Variants in PXDN observed in about 807,000 individuals in gnomAD.
PXDN encodes the protein peroxidasin homolog.
PXDN carries 77 observed loss-of-function variants against 140.3 expected under a neutral mutation model. The ratio of observed to expected loss-of-function variants is 0.55; its 90% CI spans 0.46 to 0.66. The LOEUF is 0.66. Ranked by LOEUF, PXDN falls within the 30% of genes least tolerant of loss-of-function variation. The pLI, the probability that PXDN is intolerant of heterozygous loss-of-function variation, is 0.00. For synonymous variants in PXDN, 911 were observed against 857.4 expected (o/e 1.06, Z -1.09); for missense variants, 1,838 against 2,039.5 (o/e 0.90, Z 1.90).
chr2:1,674,321 T>C (rs1043873619), intron 8 of PXDN, among the ~76,000 whole-genome samples: 7 of 152,222 alleles, frequency 4.6e-5, no homozygotes, highest in Non-Finnish European at 1.0e-4. Flanking sequence ...GCGCTCCTCC[T>C]GCCTCGGGCT....
At chr2:1,719,202 C>T (rs1345566768) in intron 1 of PXDN, among the ~76,000 whole-genome samples, 1 of 152,190 alleles carries the variant, frequency 6.6e-6, no homozygotes, top group Non-Finnish European at 1.5e-5. Flanking sequence ...ACCTGCTCCC[C>T]GTGTGGGAAC....
At chr2:1,720,449 GAA>G (rs1427103131) in intron 1 of PXDN, among the ~76,000 whole-genome samples, 2 of 151,666 alleles carry the variant, frequency 1.3e-5, no homozygotes, top group East Asian at 4.0e-4. Flanking sequence ...TTGAAGGTGA[GAA>G]GAGAGGCAGA....
chr2:1,677,365 C>T (rs1321322675), intron 7 of PXDN, among the ~76,000 whole-genome samples: 4 of 152,194 alleles, frequency 2.6e-5, no homozygotes, highest in East Asian at 3.9e-4. Context: ...AACACCTGTG[C>T]GGAGTGGATA....
intron 1 of PXDN, among the ~76,000 whole-genome samples, chr2:1,734,496 C>A (rs1685386440): frequency 6.6e-6 from 1 of 152,156 alleles, no homozygotes; most frequent in Admixed American, 6.5e-5. Context: ...TCTATTGGCT[C>A]TTCCTTTCCC....
At chr2:1,711,175 TCC>T (rs1244098340) in intron 1 of PXDN, among the ~76,000 whole-genome samples, 5 of 65,230 alleles carry the variant, frequency 7.7e-5, no homozygotes, top group African/African-American at 2.6e-4. Flanking sequence ...GCACCCACTC[TCC>T]ACCAGCACCC....
intron 9 of PXDN, 90 bp from the exon 10 acceptor site, chr2:1,666,576 A>G: frequency 7.1e-7 from 1 of 1,413,376 alleles, no homozygotes; most frequent in East Asian, 2.4e-5. Flanking sequence ...TATTAATTCT[A>G]TTTACCACCG....
chr2:1,701,996 CT>C (rs2125457947), intron 1 of PXDN, among the ~76,000 whole-genome samples: 1 of 152,246 alleles, frequency 6.6e-6, no homozygotes, highest in Non-Finnish European at 1.5e-5. Flanking sequence ...GTAACTGCTG[CT>C]GTGTTTACAG....
intron 1 of PXDN, among the ~76,000 whole-genome samples, chr2:1,743,057 A>C (rs908151425): frequency 5.7e-4 from 87 of 152,386 alleles, no homozygotes; most frequent in African/African-American, 1.9e-3. Context: ...GGACTAAATT[A>C]GAGTCGGCGC....
At chr2:1,718,718 T>A (rs1405523167) in intron 1 of PXDN, among the ~76,000 whole-genome samples, 1 of 152,168 alleles carries the variant, frequency 6.6e-6, no homozygotes, top group Non-Finnish European at 1.5e-5. Flanking sequence ...GCGTGTGTGG[T>A]CCCTTTACGG....
At chr2:1,678,934 G>A (rs1683795611) in intron 7 of PXDN, among the ~76,000 whole-genome samples, 1 of 152,188 alleles carries the variant, frequency 6.6e-6, no homozygotes, top group South Asian at 2.1e-4. Flanking sequence ...CACCAGGCCG[G>A]CGCTCAGTTC....
chr2:1,649,125 G>A lies in PXDN; in HGVS notation c.2655C>T (p.Cys885=), dbSNP rs772500865. ...TGAGCAGCGAAGTCATGCCGCTGCC[G>A]CACACAGGGCTGGAGCGCACGAAGA... ...CMFFVRSSPV[C]GSGMTSLLMN... The change falls in exon 17 of 23, where the codon TGC becomes TGT. Residue 885 remains cysteine (C), a synonymous_variant. Transcript: ENST00000252804. The surrounding 1 kb of genome is among the most constrained non-coding windows in gnomAD (Gnocchi z 7.1). The A allele has an allele frequency of 6.8e-6, 11 of 1,612,534 alleles. No individual in the cohort carries two copies. Among genetic ancestry groups the A allele is most frequent in the Non-Finnish European group, 6.8e-6 (8 of 1,179,834 alleles).
At position 1,717,460 on chromosome 2, in the gene PXDN, G is replaced by A. The variant is rs147676181; in HGVS notation, c.201-24326C>T. 4.4e-3 allele frequency among the ~76,000 whole-genome samples: 671 copies of A among 152,062 alleles called. 5 individuals carry two copies. The highest frequency in any genetic ancestry group is 0.015 in the African/African-American group (632 of 41,456). ...GGAAACAATGGGTCCACACACAAAC[G>A]GAAAAGACTTCACACACCCCTGAAT... On this transcript the variant is annotated intron_variant, in intron 1 of 22. Transcript: ENST00000252804.
intron 1 of PXDN, among the ~76,000 whole-genome samples, chr2:1,697,322 T>C (rs1684320460): frequency 6.6e-6 from 1 of 152,218 alleles, no homozygotes; most frequent in Non-Finnish European, 1.5e-5. Flanking sequence ...ATTTGCTTGT[T>C]TCCTCTGCAT....
intron 1 of PXDN, among the ~76,000 whole-genome samples, chr2:1,716,737 C>T (rs1041138750): frequency 1.6e-4 from 24 of 152,176 alleles, no homozygotes; most frequent in Middle Eastern, 3.2e-3. Context: ...GTACCTCTCA[C>T]GCCCTCCCAG....
chr2:1,739,536 G>C (rs1685493143), intron 1 of PXDN, among the ~76,000 whole-genome samples: 2 of 152,126 alleles, frequency 1.3e-5, no homozygotes, highest in African/African-American at 2.4e-5. Context: ...TTCCTAACAA[G>C]AGAAAGCACT....
At chr2:1,673,466 C>T (rs888057712) in intron 9 of PXDN, among the ~76,000 whole-genome samples, 177 bp downstream of exon 9, 13 of 152,184 alleles carry the variant, frequency 8.5e-5, no homozygotes, top group Admixed American at 5.2e-4. Context: ...CACAGCACCG[C>T]TCATGGATCA....
In PXDN at chr2:1,639,572, G is replaced by A. The variant is rs1474001354; in HGVS notation, c.3953-150C>T. Reference sequence around the variant, plus strand: ...TGAGGCAACCTGGCAGCTGGTCTGCGGCTCTTACCCTCTCCTGGTCTGAGG... The same window carrying A: ...TGAGGCAACCTGGCAGCTGGTCTGCAGCTCTTACCCTCTCCTGGTCTGAGG... On this transcript the variant is annotated intron_variant, in intron 19 of 22. Transcript: ENST00000252804. The surrounding 1 kb of genome is among the most constrained non-coding windows in gnomAD (Gnocchi z 5.0). 4.3e-6 allele frequency: 5 copies of A among 1,170,462 alleles called. No homozygotes were observed. The highest frequency in any genetic ancestry group is 2.4e-4 in the Middle Eastern group (1 of 4,244). The allele number at this position is 1,170,462 out of a possible 1,614,324, so 72.5% of individuals were successfully genotyped here.
In PXDN at chr2:1,665,090, C is replaced by G; in HGVS notation, c.1292-16G>C. 6.4e-7 allele frequency: 1 copy of G among 1,550,990 alleles called. No homozygotes were observed. The highest frequency in any genetic ancestry group is 8.8e-7 in the Non-Finnish European group (1 of 1,133,482). On this transcript the variant is annotated splice_polypyrimidine_tract_variant and intron_variant, in intron 10 of 22. Transcript: ENST00000252804. ...TGAGGAAGAGCTTCCGGAGAGAAAG[C>G]ATTCAAAACAGGACATGTAAAAAAC...
At chr2:1,739,142 G>A (rs897775590) in intron 1 of PXDN, among the ~76,000 whole-genome samples, 3 of 152,186 alleles carry the variant, frequency 2.0e-5, no homozygotes, top group Non-Finnish European at 2.9e-5. Context: ...ACTCATGGAC[G>A]TCTTGAAAAC....
Sources: allele counts gnomAD v4.1 joint callset (sites outside exome capture counted in the v4.1 genomes callset), GRCh38; gene constraint gnomAD v4.1.1; non-coding constraint Gnocchi (gnomAD v3.1); transcripts MANE v1.5; gene names NCBI Gene and HGNC (gene_info 2026-07-23, HGNC 2026-07-21).